The following SCN7A variants were observed in gnomAD, a reference collection of about 807,000 sequenced individuals.
SCN7A encodes sodium voltage-gated channel alpha subunit 7.
In SCN7A, 138 loss-of-function variants were observed where a neutral mutation model predicts 155.2. The observed-to-expected ratio is 0.89, with a 90% CI of 0.77 to 1.02. The LOEUF (loss-of-function observed/expected upper bound fraction) is 1.02. Ranked by LOEUF, SCN7A falls within the 50% of genes least tolerant of loss-of-function variation. SCN7A has a pLI of 0.00. For synonymous variants in SCN7A, 693 were observed against 649.0 expected, an observed-to-expected ratio of 1.07 and a Z score of -1.03; for missense variants, 2,058 against 1,986.6, an observed-to-expected ratio of 1.04 and a Z score of -0.68.
At chr2:166,467,963 TG>T (rs1358380886) in intron 7 of SCN7A, among the ~76,000 whole-genome samples, 1 of 151,924 alleles carries the variant, frequency 6.6e-6, no homozygotes, top group East Asian at 1.9e-4. Context: ...AAATTTACTG[TG>T]TCTATTTTTT....
chr2:166,442,387 T>A (rs1701980170), intron 14 of SCN7A, among the ~76,000 whole-genome samples: 1 of 152,106 alleles, frequency 6.6e-6, no homozygotes, highest in Admixed American at 6.5e-5. Context: ...ACACTTTCTT[T>A]TCAATTTTTT....
At chr2:166,411,023 G>A (rs1701192037) in intron 23 of SCN7A, among the ~76,000 whole-genome samples, 1 of 151,922 alleles carries the variant, frequency 6.6e-6, no homozygotes, top group South Asian at 2.1e-4. Flanking sequence ...TTATCCTACA[G>A]GGTTGATATT....
Position 166,409,828 on chromosome 2 carries a change from A to C in SCN7A, c.3819T>G (p.Asp1273Glu), listed in dbSNP as rs545349558. 4 of 1,571,990 alleles carry C rather than the reference A, an allele frequency of 2.5e-6. No homozygotes were observed. The South Asian group carries it at 4.7e-5, about 18-fold the overall frequency. ...CAATGGACATTTGTAGACTCTGAAC[A>C]TCAGTGTCTATCATCATGGCTATTG... ...FQAIAMMIDTDVQSLQMSIAL... is the reference protein window; with the variant it reads ...FQAIAMMIDTEVQSLQMSIAL... Residue 1273 changes from aspartate (D) to glutamate (E), a missense_variant, in exon 25 of 26, where the codon GAT (aspartate) becomes GAG (glutamate). Asp to Glu is a conservative substitution (Grantham distance 45, BLOSUM62 2). Transcript: ENST00000643258.
chr2:166,462,531 C>T lies in SCN7A; in HGVS notation c.942-1G>A. On this transcript the variant is annotated splice_acceptor_variant, in intron 9 of 25. Transcript: ENST00000643258. LOFTEE classifies it high-confidence loss of function. ...ACACACATATCCTTCAGGACACTGA[C>T]TAAAGAAGACAAAGAAAAAAACCTG... is the stretch of plus-strand genomic sequence containing the variant. The T allele has an allele frequency of 2.5e-6, 4 of 1,612,070 alleles. No homozygotes were observed. Among genetic ancestry groups the T allele is most frequent in the Non-Finnish European group, 2.5e-6 (3 of 1,179,330 alleles).
chr2:166,472,546 C>T (rs986884346), intron 5 of SCN7A, 101 bp from the exon 6 acceptor site: 35 of 1,009,484 alleles, frequency 3.5e-5, no homozygotes, highest in Middle Eastern at 5.2e-4. Context: ...AAGAATAAGT[C>T]ATCAGGAAGG....
rs1701998726 is a variant in SCN7A, at chr2:166,443,367, C to T, written c.1800+136G>A. On this transcript the variant is annotated intron_variant, in intron 14 of 25. Transcript: ENST00000643258. ...TGCTTACTCTTTCCTTGGCAATAAA[C>T]TCTTTATATACTAATCAATTCATTT... The T allele has an allele frequency of 7.4e-6, 5 of 672,434 alleles. No homozygotes were observed. The South Asian group carries it at 9.8e-5, about 13-fold the overall frequency. 41.7% of individuals were successfully genotyped at this position (672,434 alleles called of 1,614,324 possible).
intron 17 of SCN7A, among the ~76,000 whole-genome samples, 199 bp downstream of exon 17, chr2:166,428,970 T>G (rs115459847): frequency 0.01 from 1,566 of 152,112 alleles, 29 homozygotes; most frequent in African/African-American, 0.036. Flanking sequence ...GGGCCAATAT[T>G]TAAGTTACTC....
At chr2:166,476,655 G>A (rs902106948) in intron 3 of SCN7A, among the ~76,000 whole-genome samples, 2 of 151,908 alleles carry the variant, frequency 1.3e-5, no homozygotes, top group Non-Finnish European at 2.9e-5. Context: ...TATATTCATT[G>A]CATCAGTCCT....
At chr2:166,408,254 C>G (rs1701119566) in intron 25 of SCN7A, among the ~76,000 whole-genome samples, 1 of 151,954 alleles carries the variant, frequency 6.6e-6, no homozygotes, top group South Asian at 2.1e-4. Flanking sequence ...CATTCCTTGG[C>G]TCTATAGCCT....
intron 2 of SCN7A, among the ~76,000 whole-genome samples, chr2:166,482,589 G>T (rs773932701): frequency 2.0e-5 from 3 of 151,844 alleles, no homozygotes; most frequent in Admixed American, 6.6e-5. Context: ...CTGGACCACA[G>T]CACTGGTTTC....
chr2:166,470,780 T>C (rs1702637550), intron 6 of SCN7A, 74 bp from the exon 7 acceptor site: 2 of 1,315,276 alleles, frequency 1.5e-6, no homozygotes, highest in Non-Finnish European at 2.1e-6. Context: ...TTTATGGTTA[T>C]TGAAACTTAT....
At position 166,414,148 on chromosome 2, in the gene SCN7A, T is replaced by A. The variant is rs1271934363; in HGVS notation, c.3415-1027A>T. Among the ~76,000 whole-genome samples, 45 of 67,456 alleles carry A rather than the reference T, an allele frequency of 6.7e-4. 1 individual carries two copies. The highest frequency in any genetic ancestry group is 2.7e-3 in the African/African-American group (41 of 15,190). The allele number at this position is 67,456 out of a possible 152,430, so 44.3% of individuals were successfully genotyped here. A position where few individuals can be genotyped will look rare whatever the true frequency, so the allele number is the denominator to read the frequency against. On this transcript the variant is annotated intron_variant, in intron 21 of 25. Coordinates refer to ENST00000643258, the MANE Select transcript of SCN7A (RefSeq NM_002976.4). ...TATATTATATATATGTAAATATATA[T>A]AAATATATATAATATATTATATATA...
Position 166,465,895 on chromosome 2 carries a change from G to C in SCN7A, c.757C>G (p.Leu253Val), listed in dbSNP as rs201426953. 8.4e-5 allele frequency: 136 copies of C among 1,613,808 alleles called. 1 individual carries two copies. The Admixed American group carries it at 1.1e-3, about 14-fold the overall frequency. The part of the protein sequence containing the change: ...LTLFFLSIFS[L>V]IGMGLFMGNL... The stretch of plus-strand genomic sequence containing the variant: ...CCCATGAAGAGCCCCATCCCAATTA[G>C]AGAAAATATGCTCAGAAAAAACAGA... Residue 253 changes from leucine to valine, a missense_variant, in exon 8 of 26, where the codon CTA becomes GTA. By Grantham distance (32) the Leu-to-Val change is conservative (BLOSUM62 1). Coordinates refer to ENST00000643258, the MANE Select transcript of SCN7A (RefSeq NM_002976.4).
chr2:166,485,089 ATGAC>A (rs565383025), intron 2 of SCN7A, among the ~76,000 whole-genome samples: 1 of 152,152 alleles, frequency 6.6e-6, no homozygotes, highest in Non-Finnish European at 1.5e-5. Flanking sequence ...ACACATAACA[ATGAC>A]TGAGTGACAA....
intron 23 of SCN7A, 95 bp from the exon 24 acceptor site, chr2:166,410,419 T>A: frequency 1.3e-6 from 1 of 787,598 alleles, no homozygotes; most frequent in Non-Finnish European, 2.0e-6. Flanking sequence ...ATTATTGATT[T>A]AATCTTCTAA....
intron 1 of SCN7A, 105 bp from the exon 2 acceptor site, chr2:166,487,073 C>T (rs1035388565): frequency 6.6e-6 from 1 of 152,226 alleles, no homozygotes; most frequent in African/African-American, 2.4e-5. Context: ...TTTCTTTTTT[C>T]TTCCACTCTG....
chr2:166,450,215 G>GA (rs1423135260), intron 11 of SCN7A, among the ~76,000 whole-genome samples: 1 of 152,166 alleles, frequency 6.6e-6, no homozygotes, highest in African/African-American at 2.4e-5. Flanking sequence ...TGCAGGAACA[G>GA]AAAACCAAAT....
intron 1 of SCN7A, among the ~76,000 whole-genome samples, chr2:166,490,418 T>C (rs1337892479): frequency 1.3e-5 from 2 of 152,186 alleles, no homozygotes; most frequent in African/African-American, 4.8e-5. Flanking sequence ...ACTCATGTTG[T>C]CACAAATGAT....
chr2:166,477,873 A>C (rs140377740), intron 2 of SCN7A, among the ~76,000 whole-genome samples, 163 bp from the exon 3 acceptor site: 2 of 152,118 alleles, frequency 1.3e-5, no homozygotes, highest in Non-Finnish European at 2.9e-5. Flanking sequence ...ATTGTACTTA[A>C]TATCAGACTT....
Sources: allele counts gnomAD v4.1 joint callset (sites outside exome capture counted in the v4.1 genomes callset), GRCh38; gene constraint gnomAD v4.1.1; transcripts MANE v1.5; gene names NCBI Gene and HGNC (gene_info 2026-07-23, HGNC 2026-07-21).